Variants in ERN1 observed in about 807,000 individuals in gnomAD.
ERN1 encodes serine/threonine-protein kinase/endoribonuclease IRE1.
Under a neutral mutation model 113.1 loss-of-function variants are expected in ERN1, and 39 were observed. That is an observed-to-expected ratio of 0.34 (90% CI 0.27 to 0.45). ERN1 has a LOEUF of 0.45. ERN1 is among the 20% of genes least tolerant of loss of function. The pLI is 1.00. For synonymous variants in ERN1, 507 were observed against 515.9 expected, an observed-to-expected ratio of 0.98 and a Z score of 0.23; for missense variants, 976 against 1,274.8, an observed-to-expected ratio of 0.77 and a Z score of 3.57.
intron 1 of ERN1, among the ~76,000 whole-genome samples, chr17:64,100,222 C>T (rs1216199515): frequency 1.3e-5 from 2 of 152,036 alleles, no homozygotes; most frequent in East Asian, 3.9e-4. Flanking sequence ...TAAACAGGGG[C>T]TAAGTGAATT....
intron 1 of ERN1, 161 bp from the exon 2 acceptor site, chr17:64,098,402 T>A: frequency 1.1e-6 from 1 of 890,170 alleles, no homozygotes. Context: ...CAGTCAGGAC[T>A]AGAACCCAGG....
At chr17:64,093,522 T>C (rs1276336070) in intron 2 of ERN1, among the ~76,000 whole-genome samples, 1 of 152,224 alleles carries the variant, frequency 6.6e-6, no homozygotes, top group Admixed American at 6.5e-5. Context: ...CTTATGGTTC[T>C]GGAAGCTGGA....
intron 10 of ERN1, among the ~76,000 whole-genome samples, chr17:64,062,933 G>A (rs931356790): frequency 3.9e-5 from 6 of 152,204 alleles, no homozygotes; most frequent in African/African-American, 1.2e-4. Flanking sequence ...AAGCGAGCAG[G>A]GCTCAAGGAT....
At chr17:64,093,589 C>T (rs1197999655) in intron 2 of ERN1, among the ~76,000 whole-genome samples, 2 of 152,206 alleles carry the variant, frequency 1.3e-5, no homozygotes, top group South Asian at 4.1e-4. Context: ...CGGCCACCTT[C>T]TCACCATGTC....
intron 4 of ERN1, among the ~76,000 whole-genome samples, chr17:64,077,043 C>T (rs1477241132): frequency 1.3e-5 from 2 of 152,212 alleles, no homozygotes; most frequent in Admixed American, 6.5e-5. Flanking sequence ...TCACTCACCC[C>T]AGTTTCTGGC....
In ERN1 at chr17:64,075,223, A is replaced by G; in HGVS notation, c.307T>C (p.Leu103=). Residue 103 remains leucine (L), a synonymous_variant, in exon 5 of 22, where the codon TTG becomes CTG. Coordinates refer to ENST00000433197, the MANE Select transcript of ERN1 (RefSeq NM_001433.5). The part of the protein sequence containing the change: ...LTKLPFTIPE[L]VQASPCRSSD... ...CTTCGGCATGGGGATGCCTGCACCA[A>G]TTCTGGGATGGTAAAAGGAAGTTTC... The G allele has an allele frequency of 6.8e-7, 1 of 1,476,936 alleles. No individual in the cohort carries two copies. Among genetic ancestry groups the G allele is most frequent in the Non-Finnish European group, 9.0e-7 (1 of 1,112,522 alleles). The allele number at this position is 1,476,936 out of a possible 1,614,324, so 91.5% of individuals were successfully genotyped here.
Position 64,063,899 on chromosome 17 carries a change from A to T in ERN1, c.1087+87T>A. On this transcript the variant is annotated intron_variant, in intron 10 of 21. Transcript: ENST00000433197. The surrounding 1 kb of genome is among the most constrained non-coding windows in gnomAD (Gnocchi z 5.1). ...TCTGAGCACAAGGCCTTCCGAGCTCAGTACGGTGTAACTACCAGGGCCGGC... is the reference window on the plus strand; with the variant it reads ...TCTGAGCACAAGGCCTTCCGAGCTCTGTACGGTGTAACTACCAGGGCCGGC... 7.6e-7 allele frequency: 1 copy of T among 1,320,450 alleles called. No individual in the cohort carries two copies. The highest frequency in any genetic ancestry group is 1.1e-6 in the Non-Finnish European group (1 of 939,872). The allele number at this position is 1,320,450 out of a possible 1,614,324, so 81.8% of individuals were successfully genotyped here. A position where few individuals can be genotyped will look rare whatever the true frequency, so the allele number is the denominator to read the frequency against.
intron 8 of ERN1, 108 bp from the exon 9 acceptor site, chr17:64,065,395 C>T (rs898763425): frequency 3.9e-6 from 3 of 762,722 alleles, no homozygotes; most frequent in South Asian, 1.8e-5. Context: ...CCACATTAAC[C>T]CCCCAGACAT....
intron 1 of ERN1, among the ~76,000 whole-genome samples, chr17:64,126,733 T>C (rs1469075230): frequency 6.6e-6 from 1 of 152,142 alleles, no homozygotes; most frequent in Non-Finnish European, 1.5e-5. Context: ...TATCGCCTAT[T>C]AGGATAATTA....
At chr17:64,061,192 A>G (rs1913043580) in intron 10 of ERN1, among the ~76,000 whole-genome samples, 1 of 152,216 alleles carries the variant, frequency 6.6e-6, no homozygotes, top group Non-Finnish European at 1.5e-5. Flanking sequence ...TTCATTACAC[A>G]TTTATTGAGC....
chr17:64,080,652 T>C (rs196950), intron 3 of ERN1, 123 bp downstream of exon 3: 592,504 of 840,320 alleles, frequency 0.71, 218,956 homozygotes, highest in Non-Finnish European at 0.76. Context: ...AGACTTTATA[T>C]GTCACTCACT....
intron 17 of ERN1, among the ~76,000 whole-genome samples, chr17:64,051,066 C>T (rs1351455414): frequency 6.8e-6 from 1 of 147,398 alleles, no homozygotes; most frequent in African/African-American, 2.5e-5. Flanking sequence ...AAATTTGGAA[C>T]AATTTGTGTA....
chr17:64,086,292 TTCAG>T (rs1913921945), intron 2 of ERN1, among the ~76,000 whole-genome samples: 1 of 152,204 alleles, frequency 6.6e-6, no homozygotes, highest in African/African-American at 2.4e-5. Flanking sequence ...TCCCTTTGGA[TTCAG>T]TATTTCCAAA....
rs1248419974 is a variant in ERN1, at chr17:64,044,786, A to G, written c.2721+74T>C. The G allele has an allele frequency of 1.0e-6, 1 of 993,038 alleles. No individual in the cohort carries two copies. The highest frequency in any genetic ancestry group is 1.6e-6 in the Non-Finnish European group (1 of 640,318). The allele number at this position is 993,038 out of a possible 1,614,324, so 61.5% of individuals were successfully genotyped here. A position where few individuals can be genotyped will look rare whatever the true frequency, so the allele number is the denominator to read the frequency against. On this transcript the variant is annotated intron_variant, in intron 21 of 21. Transcript: ENST00000433197. This position sits in a 1 kb window ranked among gnomAD's most constrained non-coding sequence, Gnocchi z 4.1. ...GCCAGTACAGATAAAAGATTTATAA[A>G]GAATGGATGAAAGGAGGAAGGTGTC...
rs1348331116 is a variant in ERN1, at chr17:64,041,673, A to G, written c.*2315T>C. On this transcript the variant is annotated 3_prime_UTR_variant, in exon 22 of 22. Coordinates refer to ENST00000433197, the MANE Select transcript of ERN1 (RefSeq NM_001433.5). Reference sequence around the variant, plus strand: ...CTGGGACAGAAGAGATGTAAACCGCAAACACGCGCCCTTCCCCACACACTT... The same window carrying G: ...CTGGGACAGAAGAGATGTAAACCGCGAACACGCGCCCTTCCCCACACACTT... 4 of 152,162 alleles carry G rather than the reference A, an allele frequency of 2.6e-5. No homozygotes were observed. The highest frequency in any genetic ancestry group is 5.9e-5 in the Non-Finnish European group (4 of 68,026). 9.4% of individuals were successfully genotyped at this position (152,162 alleles called of 1,614,324 possible).
chr17:64,090,669 A>G (rs975844247), intron 2 of ERN1, among the ~76,000 whole-genome samples: 1 of 152,196 alleles, frequency 6.6e-6, no homozygotes, highest in African/African-American at 2.4e-5. Flanking sequence ...AAGACGACCC[A>G]TCGGAGCTGA....
intron 19 of ERN1, among the ~76,000 whole-genome samples, chr17:64,046,052 A>C (rs1912503848): frequency 6.6e-6 from 1 of 152,206 alleles, no homozygotes; most frequent in Non-Finnish European, 1.5e-5. Context: ...TTTGGTAATA[A>C]GGAGAGGGTC....
intron 2 of ERN1, among the ~76,000 whole-genome samples, chr17:64,090,179 T>C (rs1914048821): frequency 6.6e-6 from 1 of 152,234 alleles, no homozygotes. Flanking sequence ...AAAGCATTTT[T>C]TTTTAAAGAC....
chr17:64,068,308 A>AGCCG lies in ERN1; in HGVS notation c.479-18_479-17insCGGC. On this transcript the variant is annotated splice_polypyrimidine_tract_variant and intron_variant, in intron 6 of 21. Transcript: ENST00000433197. ...TGGTGTATTCTAAAGAACACAGACC[A>AGCCG]GCCAGCCCATTACCACGGAGGGGCC... is the stretch of plus-strand genomic sequence containing the variant. The AGCCG allele has an allele frequency of 6.3e-7, 1 of 1,585,414 alleles. No individual in the cohort carries two copies. Among genetic ancestry groups the AGCCG allele is most frequent in the Non-Finnish European group, 8.6e-7 (1 of 1,158,042 alleles).
Sources: allele counts gnomAD v4.1 joint callset (sites outside exome capture counted in the v4.1 genomes callset), GRCh38; gene constraint gnomAD v4.1.1; non-coding constraint Gnocchi (gnomAD v3.1); transcripts MANE v1.5; gene names NCBI Gene and HGNC (gene_info 2026-07-23, HGNC 2026-07-21).